Variants in MAPK10 observed in about 807,000 individuals in gnomAD.
The protein encoded by MAPK10 is mitogen-activated protein kinase 10, also known as JNK3 alpha protein kinase.
A neutral mutation model predicts 59.3 loss-of-function variants in MAPK10; 25 were observed. The observed-to-expected ratio is 0.42, with a 90% confidence interval of 0.31 to 0.59. The LOEUF (loss-of-function observed/expected upper bound fraction) is 0.59, where lower values mean the gene tolerates loss of function less well. Ranked by LOEUF, MAPK10 falls within the 20% of genes least tolerant of loss-of-function variation. The pLI is 0.15. For synonymous variants in MAPK10, 190 were observed against 200.5 expected (o/e 0.95, Z 0.44); for missense variants, 351 against 568.9 (o/e 0.62, Z 3.90).
chr4:86,266,193 G>T (rs1313647190), intron 2 of MAPK10, among the ~76,000 whole-genome samples: 1 of 152,138 alleles, frequency 6.6e-6, no homozygotes, highest in Non-Finnish European at 1.5e-5. Context: ...ATGGAGGCTG[G>T]AGTTCAGTTT....
At chr4:86,281,582 G>C (rs749712973) in intron 2 of MAPK10, among the ~76,000 whole-genome samples, 3 of 151,948 alleles carry the variant, frequency 2.0e-5, no homozygotes, top group Non-Finnish European at 2.9e-5. Flanking sequence ...CTTAAGTTTT[G>C]CTTCTGAAAA....
chr4:86,021,022 C>G (rs1054405938), intron 13 of MAPK10, among the ~76,000 whole-genome samples: 1 of 152,150 alleles, frequency 6.6e-6, no homozygotes, highest in Non-Finnish European at 1.5e-5. Flanking sequence ...AGGGTGCTGA[C>G]TGGTGCATTT....
At chr4:86,173,203 C>A (rs1393937040) in intron 3 of MAPK10, among the ~76,000 whole-genome samples, 2 of 152,156 alleles carry the variant, frequency 1.3e-5, no homozygotes, top group African/African-American at 2.4e-5. Context: ...AGGCATCATT[C>A]TACCTGACTT....
intron 2 of MAPK10, among the ~76,000 whole-genome samples, chr4:86,204,492 T>G (rs867117741): frequency 6.6e-6 from 1 of 151,926 alleles, no homozygotes; most frequent in Non-Finnish European, 1.5e-5. Flanking sequence ...CCAATCAAGA[T>G]AGCTAGTACA....
intron 9 of MAPK10, among the ~76,000 whole-genome samples, chr4:86,074,389 T>G (rs1458147191): frequency 1.3e-5 from 2 of 151,070 alleles, no homozygotes; most frequent in Non-Finnish European, 1.5e-5. Context: ...TTTAGTCCAT[T>G]TACATTTAAA....
intron 1 of MAPK10, among the ~76,000 whole-genome samples, chr4:86,404,536 T>A (rs1209428994): frequency 6.6e-6 from 1 of 152,258 alleles, no homozygotes; most frequent in East Asian, 1.9e-4. Flanking sequence ...CTTATTTTTA[T>A]GTACTGTGGA....
intron 13 of MAPK10, among the ~76,000 whole-genome samples, chr4:86,023,464 C>CA (rs1327922566): frequency 6.6e-6 from 1 of 151,820 alleles, no homozygotes; most frequent in Non-Finnish European, 1.5e-5. Flanking sequence ...TCAATTTCTG[C>CA]AAAAAAGACA....
chr4:86,054,315 A>G (rs2044126853), intron 11 of MAPK10, among the ~76,000 whole-genome samples: 1 of 152,194 alleles, frequency 6.6e-6, no homozygotes, highest in South Asian at 2.1e-4. Flanking sequence ...GCAGGTGGCT[A>G]ACTCTATCTA....
At chr4:86,315,066 T>A (rs1343388066) in intron 2 of MAPK10, among the ~76,000 whole-genome samples, 1 of 152,200 alleles carries the variant, frequency 6.6e-6, no homozygotes. Context: ...TATCCCTATA[T>A]AGTCTTTGAT....
chr4:86,467,395 C>G (rs901394486), intron 1 of MAPK10, among the ~76,000 whole-genome samples: 2 of 152,152 alleles, frequency 1.3e-5, no homozygotes, highest in African/African-American at 4.8e-5. Flanking sequence ...GTGTATATTT[C>G]TTTTAAAAAT....
chr4:86,214,313 A>G (rs2148615379), intron 2 of MAPK10, among the ~76,000 whole-genome samples: 1 of 152,210 alleles, frequency 6.6e-6, no homozygotes, highest in South Asian at 2.1e-4. Flanking sequence ...TATTCCTCTA[A>G]CATCAGGAAC....
chr4:86,485,225 G>A (rs1753896223), intron 1 of MAPK10, among the ~76,000 whole-genome samples: 1 of 152,112 alleles, frequency 6.6e-6, no homozygotes, highest in African/African-American at 2.4e-5. Flanking sequence ...TACTGGAGAT[G>A]CCTTCCCCAA....
chr4:86,348,660 A>C (rs906503418), intron 2 of MAPK10, among the ~76,000 whole-genome samples: 1 of 152,114 alleles, frequency 6.6e-6, no homozygotes, highest in Non-Finnish European at 1.5e-5. Context: ...AGGCTCAAAC[A>C]GTTCTTATAA....
At chr4:86,216,165 C>T (rs776350975) in intron 2 of MAPK10, among the ~76,000 whole-genome samples, 4 of 151,662 alleles carry the variant, frequency 2.6e-5, no homozygotes, top group Non-Finnish European at 5.9e-5. Flanking sequence ...GATATTTGTA[C>T]ACCTGTCTTC....
At chr4:86,473,870 C>G (rs1273873953) in intron 1 of MAPK10, among the ~76,000 whole-genome samples, 4 of 152,292 alleles carry the variant, frequency 2.6e-5, no homozygotes, top group African/African-American at 9.6e-5. Context: ...GAGAGTCTAG[C>G]TGGACGCTGT....
At chr4:86,560,991 A>G (rs1305833459) in intron 1 of MAPK10, among the ~76,000 whole-genome samples, 3 of 152,174 alleles carry the variant, frequency 2.0e-5, no homozygotes, top group African/African-American at 7.2e-5. Flanking sequence ...ACAGTTCACA[A>G]CCTTTTTGGC....
At position 86,170,782 on chromosome 4, in the gene MAPK10, C is replaced by T. The variant is rs1368926932; in HGVS notation, c.67-11315G>A. Among the ~76,000 whole-genome samples, 37 of 150,244 alleles carry T rather than the reference C, an allele frequency of 2.5e-4. No individual in the cohort carries two copies. In the East Asian group the frequency reaches 2.5e-3, roughly 10 times the overall value. ...TCAACAGAATATACATTTTTTTCAGCGCCACACCACACCTATTCCAAAATT... is the reference window on the plus strand; with the variant it reads ...TCAACAGAATATACATTTTTTTCAGTGCCACACCACACCTATTCCAAAATT... On this transcript the variant is annotated intron_variant, in intron 3 of 13. Coordinates refer to ENST00000641462, the MANE Select transcript of MAPK10 (RefSeq NM_138982.4).
chr4:86,430,638 A>C (rs1747916321), intron 1 of MAPK10, among the ~76,000 whole-genome samples: 1 of 152,228 alleles, frequency 6.6e-6, no homozygotes, highest in African/African-American at 2.4e-5. Flanking sequence ...TTGTCTCTAC[A>C]AAAGCGCCAT....
At chr4:86,206,278 G>T (rs531945102) in intron 2 of MAPK10, among the ~76,000 whole-genome samples, 1 of 151,344 alleles carries the variant, frequency 6.6e-6, no homozygotes, top group Non-Finnish European at 1.5e-5. Context: ...TCCCACCTAT[G>T]AGTGAGAATA....
Sources: allele counts gnomAD v4.1 joint callset (sites outside exome capture counted in the v4.1 genomes callset), GRCh38; gene constraint gnomAD v4.1.1; transcripts MANE v1.5; gene names NCBI Gene and HGNC (gene_info 2026-07-23, HGNC 2026-07-21).